GSAP: variants seen among roughly 807,000 people sequenced by gnomAD.
The protein encoded by GSAP is gamma-secretase-activating protein.
A neutral mutation model predicts 131.7 loss-of-function variants in GSAP; 118 were observed. That is an observed-to-expected ratio of 0.90 (90% CI 0.77 to 1.04). The LOEUF is 1.04. Among genes scored for constraint, GSAP ranks in the 50% least tolerant of loss-of-function variants. GSAP has a pLI of 0.00. For synonymous variants in GSAP, 381 were observed against 363.4 expected (o/e 1.05, Z -0.55); for missense variants, 1,019 against 1,013.2 (o/e 1.01, Z -0.08).
intron 14 of GSAP, among the ~76,000 whole-genome samples, chr7:77,359,339 G>A (rs1374835819): frequency 6.6e-6 from 1 of 152,172 alleles, no homozygotes; most frequent in Non-Finnish European, 1.5e-5. Flanking sequence ...CAGAATTGCT[G>A]TAGGGAGCAA....
At chr7:77,328,096 G>A (rs959495887) in intron 22 of GSAP, 3 of 497,754 alleles carry the variant, frequency 6.0e-6, no homozygotes, top group African/African-American at 2.1e-5. Context: ...AAGAGGCCAT[G>A]CTGGAATATA....
chr7:77,335,114 C>T (rs934923717), intron 19 of GSAP, among the ~76,000 whole-genome samples: 1 of 150,900 alleles, frequency 6.6e-6, no homozygotes, highest in Non-Finnish European at 1.5e-5. Flanking sequence ...AAGAAACATA[C>T]CCATGCCAGA....
chr7:77,330,476 C>T, intron 19 of GSAP, 109 bp from the exon 20 acceptor site: 1 of 1,449,376 alleles, frequency 6.9e-7, no homozygotes, highest in Non-Finnish European at 9.1e-7. Context: ...GTCCACATTT[C>T]TGAGTGAATA....
At chr7:77,361,274 T>C (rs2150914823) in intron 13 of GSAP, among the ~76,000 whole-genome samples, 1 of 152,334 alleles carries the variant, frequency 6.6e-6, no homozygotes, top group East Asian at 1.9e-4. Context: ...TAAGACCCTC[T>C]GAGACTTCTC....
intron 19 of GSAP, among the ~76,000 whole-genome samples, chr7:77,331,172 G>T (rs1789095888): frequency 6.6e-6 from 1 of 152,116 alleles, no homozygotes; most frequent in Non-Finnish European, 1.5e-5. Flanking sequence ...GCAGTGGCGG[G>T]CGCTTGTAGT....
At chr7:77,379,181 T>C (rs900430362) in intron 8 of GSAP, among the ~76,000 whole-genome samples, 4 of 152,084 alleles carry the variant, frequency 2.6e-5, no homozygotes, top group African/African-American at 9.7e-5. Context: ...AGGTATGTAC[T>C]AACAAGAAAA....
At chr7:77,353,492 C>A in intron 17 of GSAP, 80 bp downstream of exon 17, 1 of 815,422 alleles carries the variant, frequency 1.2e-6, no homozygotes, top group Non-Finnish European at 2.1e-6. Flanking sequence ...CAGGTTGAGG[C>A]ATTCACTATC....
rs117290854 is a variant in GSAP at position 77,357,884 on chromosome 7, T to C, written c.1028-2237A>G. On this transcript the variant is annotated intron_variant, in intron 14 of 30. Transcript: ENST00000257626. Reference sequence around the variant, plus strand: ...AGAATATTTGTGGTGTTTGAAGTTCTAAGTTTGCCATAATTTGTTACAGCA... The same window carrying C: ...AGAATATTTGTGGTGTTTGAAGTTCCAAGTTTGCCATAATTTGTTACAGCA... Among the ~76,000 whole-genome samples the C allele has an allele frequency of 4.6e-3, 707 of 152,342 alleles. 3 individuals are homozygous for C. Among genetic ancestry groups the C allele is most frequent in the Non-Finnish European group, 5.9e-3 (404 of 68,034 alleles).
intron 25 of GSAP, 100 bp downstream of exon 25, chr7:77,321,233 G>T (rs747875383): frequency 1.1e-5 from 8 of 754,312 alleles, no homozygotes; most frequent in Non-Finnish European, 1.9e-5. Flanking sequence ...TGAAGCTGGT[G>T]AGAACTGATT....
chr7:77,411,957 T>C (rs1178092256), intron 1 of GSAP, among the ~76,000 whole-genome samples: 1 of 152,188 alleles, frequency 6.6e-6, no homozygotes, highest in African/African-American at 2.4e-5. Flanking sequence ...GGTAGGCCGA[T>C]CACCTGAGGT....
intron 10 of GSAP, among the ~76,000 whole-genome samples, chr7:77,376,309 T>A (rs1796845488): frequency 6.6e-6 from 1 of 152,202 alleles, no homozygotes; most frequent in Non-Finnish European, 1.5e-5. Flanking sequence ...TGTGAAGCAT[T>A]TAGTTACTGG....
At chr7:77,338,912 T>G (rs1790460237) in intron 19 of GSAP, among the ~76,000 whole-genome samples, 1 of 152,132 alleles carries the variant, frequency 6.6e-6, no homozygotes, top group Admixed American at 6.6e-5. Context: ...ACCTATTCAG[T>G]TCCCACACAC....
At chr7:77,314,017 G>A (rs1176319212) in intron 27 of GSAP, among the ~76,000 whole-genome samples, 2 of 152,152 alleles carry the variant, frequency 1.3e-5, no homozygotes, top group African/African-American at 2.4e-5. Flanking sequence ...CTAGCCTCAA[G>A]TGCCCTCTTG....
In GSAP at chr7:77,352,143, G is replaced by A. The variant is rs151064596; in HGVS notation, c.1491+801C>T. On this transcript the variant is annotated intron_variant, in intron 18 of 30. Transcript: ENST00000257626. Reference sequence around the variant, plus strand: ...ACACACTTGATACATCTTTTTTAAGGACTATATTTAGACAGGGTCTAAACA... The same window carrying A: ...ACACACTTGATACATCTTTTTTAAGAACTATATTTAGACAGGGTCTAAACA... Among the ~76,000 whole-genome samples, 285 of 152,166 alleles carry A rather than the reference G, an allele frequency of 1.9e-3. 1 individual carries two copies. The highest frequency in any genetic ancestry group is 6.4e-3 in the African/African-American group (265 of 41,502).
chr7:77,353,718 C>T (rs530522518), intron 16 of GSAP, 77 bp from the exon 17 acceptor site: 8 of 847,706 alleles, frequency 9.4e-6, no homozygotes, highest in Non-Finnish European at 1.6e-5. Flanking sequence ...TACAAATATA[C>T]ATGAATCTTT....
chr7:77,406,075 T>A lies in GSAP; in HGVS notation c.140A>T (p.His47Leu). Residue 47 changes from histidine (H) to leucine (L), a missense_variant, in exon 2 of 31, where the codon CAT (histidine) becomes CTT (leucine). By Grantham distance (99) the His-to-Leu change is moderately conservative. Transcript: ENST00000257626. ...TCCATTTCTTTCAACATTTAATACA[T>A]GTAAGCTCTCATAATCGTTTTCTAA... ...DVLENDYESL[H>L]VLNVERNGNI... 8.6e-7 allele frequency: 1 copy of A among 1,159,516 alleles called. No homozygotes were observed. The highest frequency in any genetic ancestry group is 1.2e-6 in the Non-Finnish European group (1 of 862,898). 71.8% of individuals were successfully genotyped at this position (1,159,516 alleles called of 1,614,324 possible).
chr7:77,358,611 T>C (rs1794095634), intron 14 of GSAP, among the ~76,000 whole-genome samples: 1 of 152,168 alleles, frequency 6.6e-6, no homozygotes, highest in Non-Finnish European at 1.5e-5. Flanking sequence ...TAAAAATATA[T>C]CAAAAATGCT....
chr7:77,319,690 G>C (rs1278866740), intron 26 of GSAP, among the ~76,000 whole-genome samples: 1 of 152,130 alleles, frequency 6.6e-6, no homozygotes, highest in African/African-American at 2.4e-5. Flanking sequence ...ATTTACAATG[G>C]AGTATTACTC....
chr7:77,368,803 T>C (rs928332032), intron 12 of GSAP, among the ~76,000 whole-genome samples: 1 of 152,214 alleles, frequency 6.6e-6, no homozygotes, highest in Non-Finnish European at 1.5e-5. Flanking sequence ...AAAGAGATTA[T>C]TATTGTTAGA....
Sources: allele counts gnomAD v4.1 joint callset (sites outside exome capture counted in the v4.1 genomes callset), GRCh38; gene constraint gnomAD v4.1.1; transcripts MANE v1.5; gene names NCBI Gene and HGNC (gene_info 2026-07-23, HGNC 2026-07-21).